Variants in CRY1 observed in about 807,000 individuals in gnomAD.
The protein encoded by CRY1 is cryptochrome-1.
Under a neutral mutation model 76.0 loss-of-function variants are expected in CRY1, and 45 were observed. The observed-to-expected ratio is 0.59, with a 90% confidence interval of 0.47 to 0.76. The LOEUF (loss-of-function observed/expected upper bound fraction) is 0.76. Among genes scored for constraint, CRY1 ranks in the 30% least tolerant of loss-of-function variants. The probability of loss-of-function intolerance (pLI) is 0.00; values close to 1 mark genes in which losing one functional copy is unlikely to be tolerated. For synonymous variants in CRY1, 248 were observed against 244.0 expected (o/e 1.02, Z -0.15); for missense variants, 587 against 716.4 (o/e 0.82, Z 2.06).
intron 1 of CRY1, among the ~76,000 whole-genome samples, chr12:107,077,648 A>G (rs1056005295): frequency 2.0e-5 from 3 of 152,146 alleles, no homozygotes; most frequent in Non-Finnish European, 4.4e-5. Context: ...AGTTATCTAT[A>G]TATTTTATTT....
chr12:107,012,443 A>T (rs1315685899), intron 2 of CRY1, among the ~76,000 whole-genome samples: 1 of 152,192 alleles, frequency 6.6e-6, no homozygotes, highest in Non-Finnish European at 1.5e-5. Context: ...CTCTGTTGAG[A>T]CCTACTACTC....
intron 3 of CRY1, 83 bp downstream of exon 3, chr12:107,005,023 G>T: frequency 1.5e-6 from 2 of 1,329,338 alleles, no homozygotes; most frequent in South Asian, 1.4e-5. Context: ...TAATACCACC[G>T]AACTATATAC....
At position 107,069,509 on chromosome 12, in the gene CRY1, C is replaced by A. The variant is rs1358851240; in HGVS notation, c.158+23295G>T. Among the ~76,000 whole-genome samples the A allele has an allele frequency of 5.6e-5, 8 of 143,406 alleles. No individual in the cohort carries two copies. In the South Asian group the frequency reaches 1.7e-3, roughly 31 times the overall value. 94.1% of individuals were successfully genotyped at this position (143,406 alleles called of 152,430 possible). ...ATGGTGTTGAACATCTTTTCAGGTG[C>A]CTGTAGCCATTGTTTGTTATATATA... On this transcript the variant is annotated intron_variant, in intron 1 of 12. Coordinates refer to ENST00000008527, the MANE Select transcript of CRY1 (RefSeq NM_004075.5).
intron 2 of CRY1, among the ~76,000 whole-genome samples, chr12:107,012,062 C>T (rs537394563): frequency 3.3e-5 from 5 of 152,106 alleles, no homozygotes; most frequent in East Asian, 3.9e-4. Flanking sequence ...TGGTGGTGCA[C>T]GCCTGCAGTC....
intron 2 of CRY1, among the ~76,000 whole-genome samples, chr12:107,017,870 A>G (rs1332931720): frequency 6.6e-6 from 1 of 152,216 alleles, no homozygotes; most frequent in African/African-American, 2.4e-5. Context: ...CTTTGATTCC[A>G]TATAAAGTAA....
chr12:107,042,798 C>T (rs998271742), intron 1 of CRY1, among the ~76,000 whole-genome samples: 1 of 152,156 alleles, frequency 6.6e-6, no homozygotes, highest in Non-Finnish European at 1.5e-5. Context: ...GCCGGGCCTC[C>T]ACCACCTCAT....
chr12:107,070,462 T>C (rs967272508), intron 1 of CRY1, among the ~76,000 whole-genome samples: 5 of 152,030 alleles, frequency 3.3e-5, no homozygotes, highest in Non-Finnish European at 7.4e-5. Context: ...ATAAATATAT[T>C]AGAATATAAC....
chr12:107,009,603 A>ATATATATAT (rs1566245681), intron 2 of CRY1, among the ~76,000 whole-genome samples: 58 of 7,750 alleles, frequency 7.5e-3, no homozygotes, highest in African/African-American at 0.015. Flanking sequence ...TATATATATA[A>ATATATATAT]AATCTCTATA....
At chr12:107,073,297 G>A (rs926815301) in intron 1 of CRY1, among the ~76,000 whole-genome samples, 4 of 151,780 alleles carry the variant, frequency 2.6e-5, no homozygotes, top group Non-Finnish European at 4.4e-5. Context: ...GTGCAGCGGC[G>A]TGATCTCGGC....
At chr12:107,062,041 AAAAGAAAAAAAG>A (rs1953054593) in intron 1 of CRY1, among the ~76,000 whole-genome samples, 1 of 138,470 alleles carries the variant, frequency 7.2e-6, no homozygotes, top group African/African-American at 2.6e-5. Context: ...AAAAAAAAAA[AAAAGAAAAAAAG>A]AAAAAAAAAA....
intron 2 of CRY1, among the ~76,000 whole-genome samples, chr12:107,010,985 G>T (rs955393756): frequency 6.6e-6 from 1 of 152,112 alleles, no homozygotes; most frequent in African/African-American, 2.4e-5. Context: ...GTGAAACGAG[G>T]AGTCACACAT....
intron 5 of CRY1, 122 bp downstream of exon 5, chr12:107,001,158 A>G (rs1952304491): frequency 1.4e-6 from 1 of 694,288 alleles, no homozygotes; most frequent in African/African-American, 1.8e-5. Context: ...GTGCTATTTT[A>G]ACCATTTCTG....
chr12:106,992,657 A>G (rs947181835), intron 12 of CRY1, 130 bp downstream of exon 12: 8 of 824,008 alleles, frequency 9.7e-6, no homozygotes, highest in Non-Finnish European at 1.5e-5. Flanking sequence ...GTTTGTAAAA[A>G]TTGCTTAAAA....
At chr12:107,016,742 T>A (rs1480852021) in intron 2 of CRY1, among the ~76,000 whole-genome samples, 1 of 152,172 alleles carries the variant, frequency 6.6e-6, no homozygotes, top group African/African-American at 2.4e-5. Flanking sequence ...CTAAAAGGCA[T>A]CCCAAACTAA....
Position 106,993,871 on chromosome 12 carries a change from CAT to C in CRY1, c.1586-837_1586-836del, listed in dbSNP as rs1456853631. On this transcript the variant is annotated intron_variant, in intron 10 of 12. Transcript: ENST00000008527. ...CCTAAAAGTTAAATAAAAACTAAAA[CAT>C]ATTGCTACAGTAGTAAACATATTAC... is the stretch of plus-strand genomic sequence containing the variant. Among the ~76,000 whole-genome samples, 4 of 152,018 alleles carry C rather than the reference CAT, an allele frequency of 2.6e-5. No individual in the cohort carries two copies. The East Asian group carries it at 7.7e-4, about 29-fold the overall frequency.
Position 107,093,048 on chromosome 12 carries a change from G to T in CRY1, c.-87C>A. ...CGACACCTTCGCTTCCAAGAGAATT[G>T]CCTCACCCGGGGCGTGAGGAAAGGG... is the stretch of plus-strand genomic sequence containing the variant. On this transcript the variant is annotated 5_prime_UTR_variant, in exon 1 of 13. Coordinates refer to ENST00000008527, the MANE Select transcript of CRY1 (RefSeq NM_004075.5). The T allele has an allele frequency of 7.1e-7, 1 of 1,402,824 alleles. No homozygotes were observed. The highest frequency in any genetic ancestry group is 9.3e-7 in the Non-Finnish European group (1 of 1,072,728). The allele number at this position is 1,402,824 out of a possible 1,614,324, so 86.9% of individuals were successfully genotyped here.
intron 1 of CRY1, among the ~76,000 whole-genome samples, chr12:107,085,196 C>A (rs184029526): frequency 4.9e-4 from 74 of 152,226 alleles, no homozygotes; most frequent in Admixed American, 4.4e-3. Context: ...GAAATAGGAA[C>A]GCTTTTACAC....
At chr12:107,002,045 T>A in intron 3 of CRY1, 97 bp from the exon 4 acceptor site, 2 of 1,020,298 alleles carry the variant, frequency 2.0e-6, no homozygotes, top group Non-Finnish European at 2.8e-6. Context: ...AAAATAAAAT[T>A]AATCACTGAA....
rs140211937 is a variant in CRY1, at chr12:107,035,152, T to C, written c.159-12960A>G. Among the ~76,000 whole-genome samples, 94 of 152,348 alleles carry C rather than the reference T, an allele frequency of 6.2e-4. 3 individuals are homozygous for C. In the East Asian group the frequency reaches 0.011, roughly 18 times the overall value. Reference sequence around the variant, plus strand: ...CTAACAGCCCTATTTCAAATTTCTGTCCTTCAAAAAGATATTAATAATGCT... The same window carrying C: ...CTAACAGCCCTATTTCAAATTTCTGCCCTTCAAAAAGATATTAATAATGCT... On this transcript the variant is annotated intron_variant, in intron 1 of 12. Coordinates refer to ENST00000008527, the MANE Select transcript of CRY1 (RefSeq NM_004075.5).
Sources: allele counts gnomAD v4.1 joint callset (sites outside exome capture counted in the v4.1 genomes callset), GRCh38; gene constraint gnomAD v4.1.1; transcripts MANE v1.5; gene names NCBI Gene and HGNC (gene_info 2026-07-23, HGNC 2026-07-21).